CEP295: variants seen among roughly 807,000 people sequenced by gnomAD.
CEP295 encodes centrosomal protein 295, also known as centrosomal protein of 295 kDa.
CEP295 carries 190 observed loss-of-function variants against 291.6 expected under a neutral mutation model. The observed-to-expected ratio is 0.65, with a 90% CI of 0.58 to 0.73. The LOEUF (loss-of-function observed/expected upper bound fraction) is 0.73. Among genes scored for constraint, CEP295 ranks in the 30% least tolerant of loss-of-function variants. The pLI is 0.00. For synonymous variants in CEP295, 993 were observed against 1,038.8 expected, an observed-to-expected ratio of 0.96 and a Z score of 0.85; for missense variants, 2,863 against 2,949.4, an observed-to-expected ratio of 0.97 and a Z score of 0.68.
Position 93,698,481 on chromosome 11 carries a change from A to G in CEP295, c.3569A>G (p.Glu1190Gly). The G allele has an allele frequency of 1.9e-6, 3 of 1,551,990 alleles. No homozygotes were observed. The South Asian group carries it at 3.6e-5, about 18-fold the overall frequency. ...KEGTQEFVHTESELEKRISSE... is the reference protein window; with the variant it reads ...KEGTQEFVHTGSELEKRISSE... ...GGAACTCAGGAATTTGTACACACAG[A>G]AAGTGAATTGGAGAAAAGAATTTCT... Residue 1190 changes from glutamate (E) to glycine (G), a missense_variant, in exon 15 of 30, where the codon GAA becomes GGA. Physicochemically the swap from Glu to Gly is moderately conservative, Grantham distance 98. Coordinates refer to ENST00000325212, the MANE Select transcript of CEP295 (RefSeq NM_033395.2).
chr11:93,716,255 T>C (rs1953233849), intron 18 of CEP295, among the ~76,000 whole-genome samples: 1 of 152,194 alleles, frequency 6.6e-6, no homozygotes, highest in Non-Finnish European at 1.5e-5. Context: ...TACTTGGTGC[T>C]GGCCACACTG....
chr11:93,729,364 ATC>A (rs1174577047), intron 25 of CEP295, 68 bp from the exon 26 acceptor site: 1 of 1,066,510 alleles, frequency 9.4e-7, no homozygotes, highest in East Asian at 2.6e-5. Context: ...CTGCACTCTA[ATC>A]TGACAGCAGA....
In CEP295 at chr11:93,724,289, C is replaced by T. The variant is rs2135335323; in HGVS notation, c.6232C>T (p.Leu2078=). 6.5e-7 allele frequency: 1 copy of T among 1,550,384 alleles called. No individual in the cohort carries two copies. Among genetic ancestry groups the T allele is most frequent in the Non-Finnish European group, 8.7e-7 (1 of 1,146,228 alleles). Residue 2078 remains leucine (L), a synonymous_variant, in exon 22 of 30, where the codon CTG becomes TTG. Transcript: ENST00000325212. ...CATTTTTCCTAATTTGCATCATCAG[C>T]TGTTTAAACCCTTAGAACCACATCC... ...EHIFPNLHHQ[L]FKPLEPHPDF... is the part of the protein sequence containing the mutation.
At chr11:93,701,496 A>T (rs1441465229) in intron 15 of CEP295, among the ~76,000 whole-genome samples, 1 of 152,252 alleles carries the variant, frequency 6.6e-6, no homozygotes, top group Non-Finnish European at 1.5e-5. Context: ...TTTACTGGTC[A>T]TTTAAAGGAA....
chr11:93,681,237 GTTTT>G (rs11320777), intron 7 of CEP295, among the ~76,000 whole-genome samples: 9 of 141,598 alleles, frequency 6.4e-5, no homozygotes, highest in Admixed American at 1.4e-4. Flanking sequence ...TTCATGTGTT[GTTTT>G]TTTTTTTTTT....
chr11:93,724,291 G>C lies in CEP295; in HGVS notation c.6234G>C (p.Leu2078=), dbSNP rs769853020. Residue 2078 remains leucine (L), a synonymous_variant, in exon 22 of 30, where the codon CTG becomes CTC. Transcript: ENST00000325212. ...EHIFPNLHHQ[L]FKPLEPHPDF... ...TTTTTCCTAATTTGCATCATCAGCTGTTTAAACCCTTAGAACCACATCCAG... is the reference window on the plus strand; with the variant it reads ...TTTTTCCTAATTTGCATCATCAGCTCTTTAAACCCTTAGAACCACATCCAG... 43 of 1,550,928 alleles carry C rather than the reference G, an allele frequency of 2.8e-5. No individual in the cohort carries two copies. In the East Asian group the frequency reaches 3.4e-4, roughly 12 times the overall value.
intron 19 of CEP295, 179 bp downstream of exon 19, chr11:93,721,591 T>G: frequency 1.3e-6 from 1 of 761,698 alleles, no homozygotes; most frequent in Non-Finnish European, 2.4e-6. Context: ...CTTTCCAGTC[T>G]ACCTGATGCA....
Position 93,702,759 on chromosome 11 carries a change from T to C in CEP295, c.5453-17T>C. On this transcript the variant is annotated splice_polypyrimidine_tract_variant and intron_variant, in intron 16 of 29. Coordinates refer to ENST00000325212, the MANE Select transcript of CEP295 (RefSeq NM_033395.2). The stretch of plus-strand genomic sequence containing the variant: ...ATAGATTTTGTATTGTATCCAACTT[T>C]GTCATTGACTTAATAGGTGAGCATC... 1 of 1,549,910 alleles carries C rather than the reference T, an allele frequency of 6.5e-7. No homozygotes were observed. Among genetic ancestry groups the C allele is most frequent in the Non-Finnish European group, 8.7e-7 (1 of 1,146,406 alleles).
intron 1 of CEP295, among the ~76,000 whole-genome samples, chr11:93,662,972 A>G (rs749110901): frequency 1.2e-4 from 18 of 152,242 alleles, no homozygotes; most frequent in Non-Finnish European, 1.9e-4. Flanking sequence ...CAGTTTAATC[A>G]CATAAGATTA....
In CEP295 at chr11:93,698,299, TGA is replaced by T; in HGVS notation, c.3390_3391del (p.Lys1131GlyfsTer17). On this transcript the variant is annotated frameshift_variant, in exon 15 of 30. Transcript: ENST00000325212. LOFTEE classifies it high-confidence loss of function. ...GGAGAATTCAGGAGCTTTATTTATC[TGA>T]GAAGGAGAATGTAGGTCCCTCCTGT... Reference protein sequence around the residue: ...PRRIQELYLSEKENVGPSCHL... With the variant: ...PRRIQELYLSXKENVGPSCHL... 6.4e-7 allele frequency: 1 copy of T among 1,551,906 alleles called. No individual in the cohort carries two copies. Among genetic ancestry groups the T allele is most frequent in the South Asian group, 1.2e-5 (1 of 84,054 alleles).
rs1263625337 is a variant in CEP295, at chr11:93,730,164, G to A, written c.7767+16G>A. On this transcript the variant is annotated intron_variant, in intron 29 of 29. Coordinates refer to ENST00000325212, the MANE Select transcript of CEP295 (RefSeq NM_033395.2). ...ATTCCATAAGGTGAGTATAACTGAG[G>A]GAGAAGGACTTAATTTTTCAAGCAT... 1 of 1,550,944 alleles carries A rather than the reference G, an allele frequency of 6.4e-7. No homozygotes were observed. The highest frequency in any genetic ancestry group is 2.4e-5 in the East Asian group (1 of 40,870).
In CEP295 at chr11:93,727,234, T is replaced by A. The variant is rs1263622207; in HGVS notation, c.6758T>A (p.Val2253Glu). The A allele has an allele frequency of 2.6e-6, 4 of 1,551,642 alleles. No homozygotes were observed. Among genetic ancestry groups the A allele is most frequent in the Non-Finnish European group, 3.5e-6 (4 of 1,146,990 alleles). The change falls in exon 24 of 30, where the codon GTA becomes GAA. Residue 2253 changes from valine to glutamate, a missense_variant. Coordinates refer to ENST00000325212, the MANE Select transcript of CEP295 (RefSeq NM_033395.2). The stretch of plus-strand genomic sequence containing the variant: ...GCTAATGTATTTGATCAGTTAAATG[T>A]ACAGCATAGCACTCCATGTGGTTCT... Reference protein sequence around the residue: ...DEANVFDQLNVQHSTPCGSNS... With the variant: ...DEANVFDQLNEQHSTPCGSNS...
Position 93,729,936 on chromosome 11 carries a change from C to CT in CEP295, c.7635dup (p.Thr2546TyrfsTer18), listed in dbSNP as rs1365739570. ...GCATCTTTTCCTGAAGACAGAAAGACTACACAGGCTCTAAGGCACCAAAGG... is the reference window on the plus strand; with the variant it reads ...GCATCTTTTCCTGAAGACAGAAAGACTTACACAGGCTCTAAGGCACCAAAGG... On this transcript the variant is annotated frameshift_variant, in exon 28 of 30. Transcript: ENST00000325212. LOFTEE classifies it high-confidence loss of function. The CT allele has an allele frequency of 6.5e-7, 1 of 1,548,496 alleles. No individual in the cohort carries two copies. The highest frequency in any genetic ancestry group is 1.2e-5 in the South Asian group (1 of 83,478).
At chr11:93,710,062 T>C (rs553343497) in intron 18 of CEP295, among the ~76,000 whole-genome samples, 2 of 152,288 alleles carry the variant, frequency 1.3e-5, no homozygotes, top group East Asian at 3.9e-4. Context: ...TTTCCAGATA[T>C]AAGCTCGTAT....
In CEP295 at chr11:93,702,800, G is replaced by A; in HGVS notation, c.5477G>A (p.Gly1826Glu). 1.3e-6 allele frequency: 2 copies of A among 1,551,924 alleles called. No homozygotes were observed. The highest frequency in any genetic ancestry group is 1.2e-5 in the South Asian group (1 of 84,052). ...GGTGAGCATCTGGAGAAAGATCTGG[G>A]GAGAAGATCCTCAAAGCCACCTGTA... ...QSGEHLEKDL[G>E]RRSSKPPVAK... Residue 1826 changes from glycine to glutamate, a missense_variant, in exon 17 of 30, where the codon GGG (glycine) becomes GAG (glutamate). Transcript: ENST00000325212.
chr11:93,698,006 T>C lies in CEP295; in HGVS notation c.3094T>C (p.Cys1032Arg). ...SSKSEKGLVS[C>R]QSDIPISQDG... ...TAAGAGCGAGAAAGGACTTGTTTCATGCCAATCTGACATCCCCATATCTCA... is the reference window on the plus strand; with the variant it reads ...TAAGAGCGAGAAAGGACTTGTTTCACGCCAATCTGACATCCCCATATCTCA... Residue 1032 changes from cysteine (C) to arginine (R), a missense_variant, in exon 15 of 30, where the codon TGC becomes CGC. Coordinates refer to ENST00000325212, the MANE Select transcript of CEP295 (RefSeq NM_033395.2). 1 of 1,551,730 alleles carries C rather than the reference T, an allele frequency of 6.4e-7. No individual in the cohort carries two copies. The highest frequency in any genetic ancestry group is 1.2e-5 in the South Asian group (1 of 84,062).
At chr11:93,701,496 A>G (rs1441465229) in intron 15 of CEP295, among the ~76,000 whole-genome samples, 1 of 152,252 alleles carries the variant, frequency 6.6e-6, no homozygotes, top group Non-Finnish European at 1.5e-5. Flanking sequence ...TTTACTGGTC[A>G]TTTAAAGGAA....
intron 7 of CEP295, among the ~76,000 whole-genome samples, chr11:93,681,403 ATTT>A (rs71064773): frequency 6.0e-4 from 22 of 36,528 alleles, no homozygotes; most frequent in African/African-American, 2.2e-3. Flanking sequence ...CACCCAGCTA[ATTT>A]TTTTTTTTTT....
chr11:93,706,473 A>G (rs1952516774), intron 17 of CEP295, among the ~76,000 whole-genome samples: 1 of 152,204 alleles, frequency 6.6e-6, no homozygotes, highest in Admixed American at 6.5e-5. Context: ...TTATGAATGC[A>G]TGTTATAATG....
Sources: allele counts gnomAD v4.1 joint callset (sites outside exome capture counted in the v4.1 genomes callset), GRCh38; gene constraint gnomAD v4.1.1; transcripts MANE v1.5; gene names NCBI Gene and HGNC (gene_info 2026-07-23, HGNC 2026-07-21).